SMARCA2: variants seen among roughly 807,000 people sequenced by gnomAD.
The protein encoded by SMARCA2 is SWI/SNF-related matrix-associated actin-dependent regulator of chromatin subfamily A member 2.
A neutral mutation model predicts 199.8 loss-of-function variants in SMARCA2; 61 were observed. The ratio of observed to expected loss-of-function variants is 0.31; its 90% CI spans 0.25 to 0.38. SMARCA2 has a LOEUF of 0.38. Among genes scored for constraint, SMARCA2 ranks in the 10% least tolerant of loss-of-function variants. The pLI is 1.00. For synonymous variants in SMARCA2, 935 were observed against 732.0 expected (o/e 1.28, Z -4.48); for missense variants, 1,344 against 2,012.2 (o/e 0.67, Z 6.35).
intron 27 of SMARCA2, chr9:2,160,463 T>A: frequency 1.8e-6 from 1 of 565,866 alleles, no homozygotes; most frequent in East Asian, 2.9e-5. Flanking sequence ...TTGTTTTGTG[T>A]TCTGCACCAG....
rs1185828462 is a variant in SMARCA2 at position 2,069,186 on chromosome 9, G to A, written c.1693-1232G>A. 5 of 151,790 alleles carry A rather than the reference G, an allele frequency of 3.3e-5. No homozygotes were observed. The East Asian group carries it at 9.8e-4, about 30-fold the overall frequency. 9.4% of individuals were successfully genotyped at this position (151,790 alleles called of 1,614,324 possible). A position where few individuals can be genotyped will look rare whatever the true frequency, so the allele number is the denominator to read the frequency against. ...CCGCCTCGGCCTCTCAAAGTGCTGGGATTACAGGCCTGAGCCACCGCACCC... is the reference window on the plus strand; with the variant it reads ...CCGCCTCGGCCTCTCAAAGTGCTGGAATTACAGGCCTGAGCCACCGCACCC... On this transcript the variant is annotated intron_variant, in intron 9 of 33. Coordinates refer to ENST00000349721, the MANE Select transcript of SMARCA2 (RefSeq NM_003070.5).
intron 17 of SMARCA2, among the ~76,000 whole-genome samples, chr9:2,085,464 A>G (rs769284725): frequency 6.6e-6 from 1 of 152,174 alleles, no homozygotes; most frequent in African/African-American, 2.4e-5. Context: ...AAGGCCTCTG[A>G]TTCTTTATTA....
chr9:2,020,407 T>C (rs1261418657), intron 1 of SMARCA2, among the ~76,000 whole-genome samples: 2 of 152,190 alleles, frequency 1.3e-5, no homozygotes, highest in East Asian at 3.9e-4. Context: ...AAGTAGTGAA[T>C]AGAAAATACA....
At chr9:2,090,149 C>T (rs1402947204) in intron 19 of SMARCA2, among the ~76,000 whole-genome samples, 1 of 152,080 alleles carries the variant, frequency 6.6e-6, no homozygotes, top group African/African-American at 2.4e-5. Context: ...CTTTGCTTTA[C>T]AAAAATATTT....
chr9:2,127,723 T>A (rs1823758680), intron 27 of SMARCA2, among the ~76,000 whole-genome samples: 1 of 152,230 alleles, frequency 6.6e-6, no homozygotes, highest in Non-Finnish European at 1.5e-5. Context: ...AACAAAATTT[T>A]GGTGAATATT....
intron 23 of SMARCA2, among the ~76,000 whole-genome samples, chr9:2,105,124 C>T (rs1251619733): frequency 6.6e-6 from 1 of 152,138 alleles, no homozygotes; most frequent in Non-Finnish European, 1.5e-5. Context: ...CAAACTCAGA[C>T]TTGCCGTATG....
intron 4 of SMARCA2, among the ~76,000 whole-genome samples, chr9:2,046,850 C>G (rs1819870017): frequency 6.6e-6 from 1 of 152,158 alleles, no homozygotes; most frequent in Non-Finnish European, 1.5e-5. Flanking sequence ...GAAAGAAACC[C>G]ATTGCAGAGC....
chr9:2,088,237 A>G (rs149328059), intron 18 of SMARCA2, among the ~76,000 whole-genome samples: 8 of 152,296 alleles, frequency 5.3e-5, no homozygotes, highest in African/African-American at 1.9e-4. Context: ...TGTTGACACT[A>G]CTGATAAAAA....
At position 2,056,521 on chromosome 9, in the gene SMARCA2, T is replaced by C; in HGVS notation, c.1174-151T>C. On this transcript the variant is annotated intron_variant, in intron 6 of 33. Transcript: ENST00000349721. The surrounding 1 kb of genome is among the most constrained non-coding windows in gnomAD (Gnocchi z 4.0). ...TTGCATACATTTGGCATGATTTTAGTTCCTTCATTTAATACAAACCAAAGG... is the reference window on the plus strand; with the variant it reads ...TTGCATACATTTGGCATGATTTTAGCTCCTTCATTTAATACAAACCAAAGG... 1.7e-6 allele frequency: 1 copy of C among 591,998 alleles called. No individual in the cohort carries two copies. Among genetic ancestry groups the C allele is most frequent in the Non-Finnish European group, 2.8e-6 (1 of 352,316 alleles). 36.7% of individuals were successfully genotyped at this position (591,998 alleles called of 1,614,324 possible).
chr9:2,168,761 AT>A (rs201354376), intron 28 of SMARCA2, among the ~76,000 whole-genome samples: 9 of 151,502 alleles, frequency 5.9e-5, no homozygotes, highest in South Asian at 2.1e-4. Flanking sequence ...AAAAATTTGT[AT>A]TTTTTTTTCC....
chr9:2,091,390 T>G (rs970154722), intron 19 of SMARCA2, among the ~76,000 whole-genome samples: 3 of 152,240 alleles, frequency 2.0e-5, no homozygotes, highest in African/African-American at 7.2e-5. Flanking sequence ...TTGCATGGTT[T>G]TTTTTAATTT....
intron 12 of SMARCA2, 58 bp from the exon 13 acceptor site, chr9:2,076,171 A>G (rs1275627262): frequency 5.3e-6 from 5 of 944,768 alleles, no homozygotes; most frequent in African/African-American, 1.6e-5. Flanking sequence ...GAAAATGTCA[A>G]TCATAGAGAT....
intron 31 of SMARCA2, 115 bp from the exon 32 acceptor site, chr9:2,185,981 C>T (rs555473537): frequency 4.6e-5 from 47 of 1,025,380 alleles, no homozygotes; most frequent in African/African-American, 1.6e-4. Flanking sequence ...TAAAAGCTAA[C>T]GGTGACATTT....
intron 19 of SMARCA2, among the ~76,000 whole-genome samples, chr9:2,094,125 G>T (rs951073993): frequency 3.9e-5 from 6 of 152,158 alleles, no homozygotes; most frequent in African/African-American, 1.4e-4. Flanking sequence ...GATATCCCAG[G>T]CCTGGAGACA....
At chr9:2,172,999 AG>A (rs1307828207) in intron 29 of SMARCA2, among the ~76,000 whole-genome samples, 1 of 152,220 alleles carries the variant, frequency 6.6e-6, no homozygotes, top group African/African-American at 2.4e-5. Context: ...GGCAGTAGGT[AG>A]GAAGACAAGG....
In SMARCA2 at chr9:2,086,737, G is replaced by A; in HGVS notation, c.2527-92G>A. 7.1e-7 allele frequency: 1 copy of A among 1,405,104 alleles called. No homozygotes were observed. The highest frequency in any genetic ancestry group is 1.2e-5 in the South Asian group (1 of 80,428). 87.0% of individuals were successfully genotyped at this position (1,405,104 alleles called of 1,614,324 possible). A position where few individuals can be genotyped will look rare whatever the true frequency, so the allele number is the denominator to read the frequency against. ...ACAGCATATCATATACCAAGGATGG[G>A]TTCTTTGGTTTTCCGCACCACCACT... On this transcript the variant is annotated intron_variant, in intron 17 of 33. Transcript: ENST00000349721. This position sits in a 1 kb window ranked among gnomAD's most constrained non-coding sequence, Gnocchi z 4.3.
chr9:2,049,210 T>G lies in SMARCA2; in HGVS notation c.1046+1726T>G, dbSNP rs191206797. Among the ~76,000 whole-genome samples, 6 of 152,344 alleles carry G rather than the reference T, an allele frequency of 3.9e-5. No homozygotes were observed. In the East Asian group the frequency reaches 1.2e-3, roughly 29 times the overall value. ...CCTTATTCAGCCTGGTATGTGTGTG[T>G]GCACAAGTGTGTTTTAACTTTTTAT... On this transcript the variant is annotated intron_variant, in intron 5 of 33. Transcript: ENST00000349721.
At chr9:2,180,264 A>C (rs572054201) in intron 29 of SMARCA2, among the ~76,000 whole-genome samples, 1 of 152,258 alleles carries the variant, frequency 6.6e-6, no homozygotes. Flanking sequence ...ACGATGACCC[A>C]GTGTAGCAGA....
At chr9:2,146,194 C>CTCACATGGT (rs1231961264) in intron 27 of SMARCA2, among the ~76,000 whole-genome samples, 1 of 152,066 alleles carries the variant, frequency 6.6e-6, no homozygotes, top group African/African-American at 2.4e-5. Context: ...TTGCTGTGTC[C>CTCACATGGT]TCACATGGTA....
Sources: allele counts gnomAD v4.1 joint callset (sites outside exome capture counted in the v4.1 genomes callset), GRCh38; gene constraint gnomAD v4.1.1; non-coding constraint Gnocchi (gnomAD v3.1); transcripts MANE v1.5; gene names NCBI Gene and HGNC (gene_info 2026-07-23, HGNC 2026-07-21).